EMSY: variants seen among roughly 807,000 people sequenced by gnomAD.
EMSY encodes BRCA2-interacting transcriptional repressor EMSY.
In EMSY, 26 loss-of-function variants were observed where a neutral mutation model predicts 134.6. That is an observed-to-expected ratio of 0.19 (90% CI 0.14 to 0.27). EMSY has a LOEUF of 0.27. Among genes scored for constraint, EMSY ranks in the 10% least tolerant of loss-of-function variants. The pLI is 1.00. For missense variants in EMSY, 1,305 were observed against 1,611.4 expected (o/e 0.81, Z 3.26); for synonymous variants, 579 against 577.8 (o/e 1.00, Z -0.03).
intron 1 of EMSY, among the ~76,000 whole-genome samples, chr11:76,446,319 G>GTGTATATATATATGTATATATATA (rs1176761237): frequency 0.33 from 37,186 of 113,326 alleles, 5,501 homozygotes; most frequent in Middle Eastern, 0.41. Context: ...ATATGTGTGT[G>GTGTATATATATATGTATATATATA]TGTGTATATA....
At chr11:76,505,616 G>A (rs1325275924) in intron 9 of EMSY, among the ~76,000 whole-genome samples, 2 of 152,032 alleles carry the variant, frequency 1.3e-5, no homozygotes, top group Non-Finnish European at 2.9e-5. Context: ...CCAGCACCTT[G>A]GGAGGCTGAG....
chr11:76,503,538 T>C lies in EMSY; in HGVS notation c.1363+7069T>C, dbSNP rs181199701. 6.6e-5 allele frequency among the ~76,000 whole-genome samples: 10 copies of C among 152,246 alleles called. No homozygotes were observed. The East Asian group carries it at 1.7e-3, about 26-fold the overall frequency. On this transcript the variant is annotated intron_variant, in intron 9 of 20. Transcript: ENST00000334736. Reference sequence around the variant, plus strand: ...AAAATAGTCTTTTTAACAAATTCTGTTGGGACAAATGAATAGATATGTGCA... The same window carrying C: ...AAAATAGTCTTTTTAACAAATTCTGCTGGGACAAATGAATAGATATGTGCA...
chr11:76,468,358 A>G (rs1948443023), intron 7 of EMSY, among the ~76,000 whole-genome samples: 1 of 152,224 alleles, frequency 6.6e-6, no homozygotes, highest in South Asian at 2.1e-4. Flanking sequence ...AATTAAAAAT[A>G]AGACTCATTC....
At chr11:76,463,262 G>T (rs1370748568) in intron 6 of EMSY, among the ~76,000 whole-genome samples, 1 of 151,954 alleles carries the variant, frequency 6.6e-6, no homozygotes, top group African/African-American at 2.4e-5. Context: ...GGCAGAGGTT[G>T]CAGTGAGCTG....
chr11:76,531,273 G>C (rs2034444426), intron 14 of EMSY, among the ~76,000 whole-genome samples: 1 of 152,064 alleles, frequency 6.6e-6, no homozygotes, highest in Non-Finnish European at 1.5e-5. Context: ...TTGTTAATTA[G>C]CTAATAATGT....
At chr11:76,496,615 T>A in intron 9 of EMSY, 146 bp downstream of exon 10, 1 of 892,372 alleles carries the variant, frequency 1.1e-6, no homozygotes, top group Non-Finnish European at 1.8e-6. Flanking sequence ...AGCATATAGA[T>A]TCTGTATATG....
At chr11:76,541,529 C>A (rs1209424578) in intron 17 of EMSY, among the ~76,000 whole-genome samples, 1 of 152,154 alleles carries the variant, frequency 6.6e-6, no homozygotes, top group African/African-American at 2.4e-5. Flanking sequence ...TAAAATCAAT[C>A]AAACAAAACA....
chr11:76,457,105 C>T (rs984826087), intron 4 of EMSY, among the ~76,000 whole-genome samples: 1 of 151,970 alleles, frequency 6.6e-6, no homozygotes, highest in Non-Finnish European at 1.5e-5. Flanking sequence ...TTAGAACAAT[C>T]CTTGACATAA....
At chr11:76,538,320 C>T (rs576781072) in intron 16 of EMSY, among the ~76,000 whole-genome samples, 2 of 152,242 alleles carry the variant, frequency 1.3e-5, no homozygotes, top group South Asian at 2.1e-4. Context: ...AGTGCAGTGG[C>T]GCGATCATGA....
intron 1 of EMSY, 54 bp from the exon 2 acceptor site, chr11:76,446,846 C>CA: frequency 1.6e-6 from 2 of 1,224,926 alleles, no homozygotes; most frequent in Admixed American, 2.1e-5. Flanking sequence ...TGAGTGGCCC[C>CA]TTGAATGTAC....
chr11:76,474,348 T>C (rs1948696282), intron 8 of EMSY, among the ~76,000 whole-genome samples: 1 of 152,158 alleles, frequency 6.6e-6, no homozygotes, highest in Non-Finnish European at 1.5e-5. Context: ...TTGGAAACAA[T>C]ATAGAAGGGT....
chr11:76,467,202 G>T (rs1416384224), intron 7 of EMSY, among the ~76,000 whole-genome samples: 1 of 152,122 alleles, frequency 6.6e-6, no homozygotes, highest in East Asian at 1.9e-4. Flanking sequence ...TGCTTTCTAA[G>T]CTGGCCCTAT....
At chr11:76,524,558 T>A (rs1304484004) in intron 12 of EMSY, among the ~76,000 whole-genome samples, 1 of 152,200 alleles carries the variant, frequency 6.6e-6, no homozygotes, top group Non-Finnish European at 1.5e-5. Flanking sequence ...GAACCCTTTG[T>A]AATATGGTTT....
intron 8 of EMSY, among the ~76,000 whole-genome samples, chr11:76,492,969 C>T (rs552517641): frequency 1.3e-5 from 2 of 152,088 alleles, no homozygotes; most frequent in Non-Finnish European, 2.9e-5. Flanking sequence ...CTCCAACAGA[C>T]TGGGGAAAAC....
chr11:76,482,987 A>C (rs1949040669), intron 8 of EMSY, among the ~76,000 whole-genome samples: 1 of 152,208 alleles, frequency 6.6e-6, no homozygotes. Context: ...AAAAAATGTT[A>C]AGGGCAGCCA....
chr11:76,455,748 G>A (rs1159057166), intron 4 of EMSY, among the ~76,000 whole-genome samples: 1 of 152,152 alleles, frequency 6.6e-6, no homozygotes, highest in East Asian at 1.9e-4. Context: ...TTATTAAGTA[G>A]TTTGATACTC....
At chr11:76,500,391 G>A (rs924043151) in intron 9 of EMSY, among the ~76,000 whole-genome samples, 3 of 152,156 alleles carry the variant, frequency 2.0e-5, no homozygotes, top group Admixed American at 2.0e-4. Context: ...AAGACTAAGG[G>A]CATTCTCAAG....
At chr11:76,458,303 A>G in exon 5 of EMSY, 1 of 1,613,988 alleles carries the variant, frequency 6.2e-7, no homozygotes, top group Non-Finnish European at 8.5e-7. Context: ...TTGCTAATGC[A>G]GCTATCCAGC....
intron 6 of EMSY, 145 bp from the exon 8 acceptor site, chr11:76,463,676 C>A: frequency 2.6e-6 from 2 of 778,160 alleles, no homozygotes; most frequent in Non-Finnish European, 4.0e-6. Flanking sequence ...TCAGAGACCA[C>A]TTCTCTGAGG....
Sources: gnomAD v4.1 joint callset for allele counts (sites outside exome capture counted in the v4.1 genomes callset) on GRCh38, gnomAD v4.1.1 for gene constraint, MANE v1.5 for transcripts, NCBI Gene and HGNC (gene_info 2026-07-23, HGNC 2026-07-21) for gene names.